MEGF6: variants seen among roughly 807,000 people sequenced by gnomAD.
The protein encoded by MEGF6 is multiple EGF like domains 6, also known as multiple epidermal growth factor-like domains protein 6.
In MEGF6, 184 loss-of-function variants were observed where a neutral mutation model predicts 207.1. That is an observed-to-expected ratio of 0.89 (90% confidence interval 0.79 to 1.00). The LOEUF is 1.00. Ranked by LOEUF, MEGF6 falls within the 50% of genes least tolerant of loss-of-function variation. The pLI, the probability that MEGF6 is intolerant of heterozygous loss-of-function variation, is 0.00. For missense variants in MEGF6, 2,282 were observed against 2,202.9 expected, an observed-to-expected ratio of 1.04 and a Z score of -0.72; for synonymous variants, 1,038 against 910.0, an observed-to-expected ratio of 1.14 and a Z score of -2.53.
intron 17 of MEGF6, among the ~76,000 whole-genome samples, chr1:3,502,479 C>T (rs1640945500): frequency 6.6e-6 from 1 of 152,174 alleles, no homozygotes; most frequent in African/African-American, 2.4e-5. Context: ...GCTGGGGAGG[C>T]TGTGCACCCA....
At chr1:3,503,369 C>T (rs1265745688) in intron 17 of MEGF6, among the ~76,000 whole-genome samples, 1 of 149,356 alleles carries the variant, frequency 6.7e-6, no homozygotes, top group Non-Finnish European at 1.5e-5. Flanking sequence ...GGGATGTTAT[C>T]TTTATAAAGA....
rs557168685 is a variant in MEGF6 at position 3,528,400 on chromosome 1, G to A, written c.482-4154C>T. The stretch of plus-strand genomic sequence containing the variant: ...GTGCTGAGCCGGTGACCCTGGCTGC[G>A]GCTGTGATCTGAAGAGCCGTAGGCG... On this transcript the variant is annotated intron_variant, in intron 4 of 36. Coordinates refer to ENST00000356575, the MANE Select transcript of MEGF6 (RefSeq NM_001409.4). Among the ~76,000 whole-genome samples, 5 of 152,314 alleles carry A rather than the reference G, an allele frequency of 3.3e-5. No homozygotes were observed. In the South Asian group the frequency reaches 6.2e-4, roughly 19 times the overall value.
intron 9 of MEGF6, 68 bp from the exon 10 acceptor site, chr1:3,510,970 A>G: frequency 6.5e-7 from 1 of 1,544,396 alleles, no homozygotes; most frequent in South Asian, 1.2e-5. Context: ...CCACCCACAC[A>G]CAACTGCATA....
chr1:3,572,527 G>A (rs370714936), intron 4 of MEGF6, among the ~76,000 whole-genome samples: 17 of 146,372 alleles, frequency 1.2e-4, no homozygotes, highest in African/African-American at 4.1e-4. Flanking sequence ...TCCTGAGTGT[G>A]TTAGGTTCTC....
the MEGF6 span, among the ~76,000 whole-genome samples, chr1:3,622,588 G>C: frequency 6.6e-6 from 1 of 152,228 alleles, no homozygotes; most frequent in East Asian, 1.9e-4. Context: ...GGATGTTGCA[G>C]AAGAGACCCA....
intron 3 of MEGF6, among the ~76,000 whole-genome samples, chr1:3,581,213 C>T (rs996415482): frequency 1.3e-5 from 2 of 152,264 alleles, no homozygotes; most frequent in South Asian, 2.1e-4. Flanking sequence ...CAGGAGGACC[C>T]GGCCTGGGCT....
In MEGF6 at chr1:3,496,932, G is replaced by A. The variant is rs552836500; in HGVS notation, c.3613+56C>T. ...CTTCCCGGGGACCAGGGGAACTGGG[G>A]CCCAGCACGCCAGGCAGCACTGCCG... On this transcript the variant is annotated intron_variant, in intron 28 of 36. Coordinates refer to ENST00000356575, the MANE Select transcript of MEGF6 (RefSeq NM_001409.4). 3.3e-5 allele frequency: 51 copies of A among 1,533,904 alleles called. 2 individuals carry two copies. The South Asian group carries it at 4.8e-4, about 14-fold the overall frequency.
At position 3,573,435 on chromosome 1, in the gene MEGF6, G is replaced by C. The variant is rs778243731; in HGVS notation, c.481+6390C>G. Reference sequence around the variant, plus strand: ...AGGTAAGCACGGGAAACAGTGCGGGGAGCCTGGAACTACAGCCCAGGACCA... The same window carrying C: ...AGGTAAGCACGGGAAACAGTGCGGGCAGCCTGGAACTACAGCCCAGGACCA... On this transcript the variant is annotated intron_variant, in intron 4 of 36. Coordinates refer to ENST00000356575, the MANE Select transcript of MEGF6 (RefSeq NM_001409.4). The surrounding 1 kb of genome is among the most constrained non-coding windows in gnomAD (Gnocchi z 5.1). 6.6e-6 allele frequency among the ~76,000 whole-genome samples: 1 copy of C among 152,230 alleles called. No individual in the cohort carries two copies. The highest frequency in any genetic ancestry group is 1.5e-5 in the Non-Finnish European group (1 of 68,038).
intron 21 of MEGF6, among the ~76,000 whole-genome samples, chr1:3,500,148 C>T (rs1219547249): frequency 1.3e-5 from 2 of 152,202 alleles, no homozygotes; most frequent in African/African-American, 2.4e-5. Flanking sequence ...GGGATGGGAA[C>T]CTCCCCAGGG....
intron 4 of MEGF6, among the ~76,000 whole-genome samples, chr1:3,578,156 G>A (rs2794346): frequency 0.75 from 114,063 of 151,998 alleles, 44,086 homozygotes; most frequent in Non-Finnish European, 0.84. Context: ...CCTCCTCCTC[G>A]CCCTCCCCTA....
chr1:3,611,305 A>T lies in MEGF6; in HGVS notation c.-37T>A. 2 of 1,413,946 alleles carry T rather than the reference A, an allele frequency of 1.4e-6. No individual in the cohort carries two copies. The highest frequency in any genetic ancestry group is 1.8e-6 in the Non-Finnish European group (2 of 1,090,372). The allele number at this position is 1,413,946 out of a possible 1,614,324, so 87.6% of individuals were successfully genotyped here. Reference sequence around the variant, plus strand: ...GTGCCTCCTCCGCTCTCCGGCTCACAGGCGGCCCCGGCGGCTCCCCGGAGC... The same window carrying T: ...GTGCCTCCTCCGCTCTCCGGCTCACTGGCGGCCCCGGCGGCTCCCCGGAGC... On this transcript the variant is annotated 5_prime_UTR_variant, in exon 1 of 37. Transcript: ENST00000356575.
chr1:3,571,197 A>G (rs1171126250), intron 4 of MEGF6, among the ~76,000 whole-genome samples: 1 of 152,014 alleles, frequency 6.6e-6, no homozygotes, highest in Non-Finnish European at 1.5e-5. Context: ...TGGTCCAGAA[A>G]CCAGAGAGTG....
upstream of MEGF6, among the ~76,000 whole-genome samples, chr1:3,613,583 T>A (rs1453913660): frequency 6.6e-6 from 1 of 152,168 alleles, no homozygotes; most frequent in Non-Finnish European, 1.5e-5. Context: ...TTTGAGAACA[T>A]TCTCCAGCTT....
At chr1:3,595,076 T>C (rs1420813183) in intron 3 of MEGF6, among the ~76,000 whole-genome samples, 13 of 151,846 alleles carry the variant, frequency 8.6e-5, no homozygotes, top group Non-Finnish European at 2.9e-5. Flanking sequence ...ACCCTGCCAA[T>C]GGCAGGCTCC....
rs1640620137 is a variant in MEGF6 at position 3,496,729 on chromosome 1, T to C, written c.3668A>G (p.Asn1223Ser). The C allele has an allele frequency of 1.9e-6, 3 of 1,558,604 alleles. No individual in the cohort carries two copies. The highest frequency in any genetic ancestry group is 2.6e-6 in the Non-Finnish European group (3 of 1,151,938). Residue 1223 changes from asparagine (N) to serine (S), a missense_variant, in exon 29 of 37, where the codon AAC (asparagine) becomes AGC (serine). Coordinates refer to ENST00000356575, the MANE Select transcript of MEGF6 (RefSeq NM_001409.4). Reference sequence around the variant, plus strand: ...CGTGGCCGCATCACAGGAGCCCCCGTTGAGACACCCACACAGCTGTTCACA... The same window carrying C: ...CGTGGCCGCATCACAGGAGCCCCCGCTGAGACACCCACACAGCTGTTCACA... ...PGCEQLCGCL[N>S]GGSCDAATGA...
intron 24 of MEGF6, 118 bp downstream of exon 24, chr1:3,499,013 GGTCCTCA>G: frequency 1.4e-6 from 2 of 1,437,182 alleles, no homozygotes; most frequent in South Asian, 2.6e-5. Context: ...TGAAAGGCAC[GGTCCTCA>G]GTCCTAACAG....
intron 5 of MEGF6, 79 bp from the exon 6 acceptor site, chr1:3,515,606 G>A (rs1309521593): frequency 9.1e-6 from 14 of 1,541,700 alleles, no homozygotes; most frequent in South Asian, 1.2e-5. Flanking sequence ...CATGGAGCAG[G>A]GAGTGGCATG....
chr1:3,536,930 C>G (rs1642348973), intron 4 of MEGF6, among the ~76,000 whole-genome samples: 2 of 152,278 alleles, frequency 1.3e-5, no homozygotes, highest in African/African-American at 4.8e-5. Flanking sequence ...TGCTCACCTC[C>G]GACACCCGCT....
Position 3,505,551 on chromosome 1 carries a change from G to T in MEGF6, c.1924C>A (p.Pro642Thr). The T allele has an allele frequency of 6.3e-7, 1 of 1,576,710 alleles. No homozygotes were observed. Among genetic ancestry groups the T allele is most frequent in the East Asian group, 2.3e-5 (1 of 43,346 alleles). The part of the protein sequence containing the change: ...LYGRFCHLTC[P>T]PWAFGPGCSE... ...CAGCCCGGCCCAAAGGCCCACGGCGGGCAGGCTGCACCCACAGAACCGTTG... is the reference window on the plus strand; with the variant it reads ...CAGCCCGGCCCAAAGGCCCACGGCGTGCAGGCTGCACCCACAGAACCGTTG... Residue 642 changes from proline (P) to threonine (T), a missense_variant, in exon 16 of 37, where the codon CCG (proline) becomes ACG (threonine). By Grantham distance (38) the Pro-to-Thr change is conservative. Coordinates refer to ENST00000356575, the MANE Select transcript of MEGF6 (RefSeq NM_001409.4).
Sources: allele counts gnomAD v4.1 joint callset (sites outside exome capture counted in the v4.1 genomes callset), GRCh38; gene constraint gnomAD v4.1.1; non-coding constraint Gnocchi (gnomAD v3.1); transcripts MANE v1.5; gene names NCBI Gene and HGNC (gene_info 2026-07-23, HGNC 2026-07-21).